Variants in MRTFB observed in about 807,000 individuals in gnomAD.
The protein encoded by MRTFB is myocardin related transcription factor B.
MRTFB carries 29 observed loss-of-function variants against 104.2 expected under a neutral mutation model. The observed-to-expected ratio is 0.28, with a 90% CI of 0.21 to 0.38. The LOEUF (loss-of-function observed/expected upper bound fraction) is 0.38, where lower values mean the gene tolerates loss of function less well. Among genes scored for constraint, MRTFB ranks in the 10% least tolerant of loss-of-function variants. MRTFB has a pLI of 1.00. For synonymous variants in MRTFB, 535 were observed against 519.5 expected, an observed-to-expected ratio of 1.03 and a Z score of -0.41; for missense variants, 1,270 against 1,341.6, an observed-to-expected ratio of 0.95 and a Z score of 0.83.
At chr16:14,228,611 A>G (rs1244325148) in intron 8 of MRTFB, among the ~76,000 whole-genome samples, 1 of 152,114 alleles carries the variant, frequency 6.6e-6, no homozygotes, top group Non-Finnish European at 1.5e-5. Context: ...GTTAGATCAG[A>G]TATTTGTATA....
intron 2 of MRTFB, among the ~76,000 whole-genome samples, chr16:14,089,532 A>G (rs1042384364): frequency 1.3e-5 from 2 of 152,148 alleles, no homozygotes; most frequent in Non-Finnish European, 2.9e-5. Flanking sequence ...TCATCAGTTG[A>G]TGGACATTGT....
At chr16:14,142,131 A>T (rs1338445273) in intron 3 of MRTFB, 1 of 151,074 alleles carries the variant, frequency 6.6e-6, no homozygotes, top group Non-Finnish European at 1.5e-5. Context: ...GAGTCACAGC[A>T]CCCGGCCAAT....
chr16:14,188,051 A>T (rs943446802), intron 3 of MRTFB, among the ~76,000 whole-genome samples: 5 of 152,232 alleles, frequency 3.3e-5, no homozygotes, highest in Admixed American at 1.3e-4. Context: ...AGAAGAAGAA[A>T]CAAGAGTTAG....
intron 2 of MRTFB, among the ~76,000 whole-genome samples, chr16:14,136,068 C>G (rs910583213): frequency 2.6e-5 from 4 of 151,960 alleles, no homozygotes; most frequent in African/African-American, 9.7e-5. Flanking sequence ...GTCAGGAGTT[C>G]GAGACAAGCC....
At chr16:14,175,091 T>A (rs1442421209) in intron 3 of MRTFB, among the ~76,000 whole-genome samples, 1 of 152,182 alleles carries the variant, frequency 6.6e-6, no homozygotes, top group Non-Finnish European at 1.5e-5. Flanking sequence ...GTTTCAGGGT[T>A]ATTGTGTTAC....
At chr16:14,165,923 G>T (rs2039220243) in intron 3 of MRTFB, among the ~76,000 whole-genome samples, 1 of 152,114 alleles carries the variant, frequency 6.6e-6, no homozygotes, top group Non-Finnish European at 1.5e-5. Flanking sequence ...ACCCTCTTTG[G>T]ATGTTTTACT....
upstream of MRTFB, among the ~76,000 whole-genome samples, chr16:14,068,092 A>C (rs894501541): frequency 6.6e-6 from 1 of 152,038 alleles, no homozygotes; most frequent in African/African-American, 2.4e-5. Context: ...TCGGCCTCCC[A>C]AACTGCTGGG....
the MRTFB span, among the ~76,000 whole-genome samples, chr16:14,059,780 G>A: frequency 1.3e-5 from 2 of 152,094 alleles, no homozygotes; most frequent in Non-Finnish European, 2.9e-5. Flanking sequence ...CTTGGAGTTG[G>A]CTAGAAGATA....
chr16:14,129,987 G>T (rs1433505778), intron 2 of MRTFB, among the ~76,000 whole-genome samples: 1 of 151,910 alleles, frequency 6.6e-6, no homozygotes, highest in South Asian at 2.1e-4. Context: ...TGCCACCATG[G>T]CCAGCTAATT....
chr16:14,263,518 G>C lies in MRTFB; in HGVS notation c.*2074G>C, dbSNP rs2043845842. The C allele has an allele frequency of 6.6e-6, 1 of 152,062 alleles. No homozygotes were observed. The highest frequency in any genetic ancestry group is 1.5e-5 in the Non-Finnish European group (1 of 68,030). The allele number at this position is 152,062 out of a possible 1,614,324, so 9.4% of individuals were successfully genotyped here. On this transcript the variant is annotated 3_prime_UTR_variant, in exon 17 of 17. Transcript: ENST00000571589. ...ATTAAATTAGCACCAAATATCAGTG[G>C]GACTGTAGAAGGTAACCGAACACTA...
chr16:14,146,162 T>G (rs927884189), intron 3 of MRTFB, among the ~76,000 whole-genome samples: 1 of 152,206 alleles, frequency 6.6e-6, no homozygotes, highest in Non-Finnish European at 1.5e-5. Flanking sequence ...CAGGTACTTT[T>G]AAGGTGAGGA....
chr16:14,212,770 AC>A (rs1244589004), intron 5 of MRTFB, among the ~76,000 whole-genome samples: 2 of 152,202 alleles, frequency 1.3e-5, no homozygotes, highest in Non-Finnish European at 2.9e-5. Context: ...ATGTGGTGAC[AC>A]CAGATCCTTA....
chr16:14,194,351 A>G (rs945010025), intron 3 of MRTFB, among the ~76,000 whole-genome samples: 4 of 152,156 alleles, frequency 2.6e-5, no homozygotes, highest in Non-Finnish European at 4.4e-5. Flanking sequence ...ACAGGGAGAG[A>G]AAGAAAGAGG....
rs1445405878 is a variant in MRTFB at position 14,127,920 on chromosome 16, TATATATA to T, written c.-63-12623_-63-12617del. Among the ~76,000 whole-genome samples the T allele has an allele frequency of 3.0e-4, 13 of 42,742 alleles. No individual in the cohort carries two copies. The African/African-American group carries it at 3.8e-3, about 12-fold the overall frequency. The allele number at this position is 42,742 out of a possible 152,430, so 28.0% of individuals were successfully genotyped here. Reference sequence around the variant, plus strand: ...AACTGAATATATATATATATATATATATATATATATTTTTTTTTTTTTTTTTTTTTTC... The same window carrying T: ...AACTGAATATATATATATATATATATTATTTTTTTTTTTTTTTTTTTTTTC... On this transcript the variant is annotated intron_variant, in intron 2 of 16. Transcript: ENST00000571589.
rs1448886871 is a variant in MRTFB at position 14,247,500 on chromosome 16, A to G, written c.2240A>G (p.Lys747Arg). ...GTGCAACTCCCTGTAGGCAGCCTCAAACTCCAGGTGTGAAGTGTGTCTTCT... is the reference window on the plus strand; with the variant it reads ...GTGCAACTCCCTGTAGGCAGCCTCAGACTCCAGGTGTGAAGTGTGTCTTCT... ...TSVQLPVGSL[K>R]LQTSPQAGMQ... Residue 747 changes from lysine to arginine, a missense_variant, in exon 12 of 17, where the codon AAA (lysine) becomes AGA (arginine). Physicochemically the swap from Lys to Arg is conservative, Grantham distance 26 (BLOSUM62 2). Transcript: ENST00000571589. 1 of 1,552,270 alleles carries G rather than the reference A, an allele frequency of 6.4e-7. No individual in the cohort carries two copies. The highest frequency in any genetic ancestry group is 1.4e-5 in the African/African-American group (1 of 73,796).
chr16:14,232,046 T>C (rs1428708018), intron 8 of MRTFB, among the ~76,000 whole-genome samples: 5 of 152,176 alleles, frequency 3.3e-5, no homozygotes, highest in Admixed American at 1.3e-4. Context: ...AGGCAAGACA[T>C]CATAAATATT....
chr16:14,097,697 C>T (rs1016987405), intron 2 of MRTFB, among the ~76,000 whole-genome samples: 5 of 152,176 alleles, frequency 3.3e-5, no homozygotes, highest in Admixed American at 6.5e-5. Context: ...CATCACCCCC[C>T]AAAATTTCTT....
intron 2 of MRTFB, among the ~76,000 whole-genome samples, chr16:14,085,262 C>T (rs1419172340): frequency 6.6e-6 from 1 of 151,620 alleles, no homozygotes; most frequent in Non-Finnish European, 1.5e-5. Flanking sequence ...TTGAGACCAG[C>T]CTGGCCAACA....
chr16:14,200,702 G>T, intron 3 of MRTFB: 1 of 1,534,336 alleles, frequency 6.5e-7, no homozygotes, highest in Non-Finnish European at 9.0e-7. Context: ...TCAAGAGAAT[G>T]AAACTGTGTC....
Sources: allele counts gnomAD v4.1 joint callset (sites outside exome capture counted in the v4.1 genomes callset), GRCh38; gene constraint gnomAD v4.1.1; transcripts MANE v1.5; gene names NCBI Gene and HGNC (gene_info 2026-07-23, HGNC 2026-07-21).